The following ITPR1 variants were observed in gnomAD, a reference collection of about 807,000 sequenced individuals.
ITPR1 encodes the protein inositol 1,4,5-trisphosphate receptor type 1.
A neutral mutation model predicts 318.4 loss-of-function variants in ITPR1; 96 were observed. The ratio of observed to expected loss-of-function variants is 0.30; its 90% CI spans 0.26 to 0.36. The LOEUF (loss-of-function observed/expected upper bound fraction) is 0.36, where lower values mean the gene tolerates loss of function less well. Ranked by LOEUF, ITPR1 falls within the 10% of genes least tolerant of loss-of-function variation. The pLI is 1.00. For missense variants in ITPR1, 2,440 were observed against 3,460.2 expected, an observed-to-expected ratio of 0.71 and a Z score of 7.40; for synonymous variants, 1,312 against 1,289.9, an observed-to-expected ratio of 1.02 and a Z score of -0.37.
intron 44 of ITPR1, among the ~76,000 whole-genome samples, chr3:4,737,097 T>G (rs1212541647): frequency 6.6e-6 from 1 of 152,152 alleles, no homozygotes; most frequent in Non-Finnish European, 1.5e-5. Flanking sequence ...TGATTATGGA[T>G]GATAGATTTT....
chr3:4,780,226 T>C (rs975595672), intron 49 of ITPR1, among the ~76,000 whole-genome samples: 6 of 152,206 alleles, frequency 3.9e-5, no homozygotes, highest in Non-Finnish European at 7.3e-5. Context: ...ACACCCTTAA[T>C]GAACGGAAGT....
intron 26 of ITPR1, among the ~76,000 whole-genome samples, chr3:4,681,741 A>G (rs2094306089): frequency 1.3e-5 from 2 of 152,016 alleles, no homozygotes; most frequent in Admixed American, 6.6e-5. Context: ...AGGAAATGCA[A>G]TCAAAAGAAG....
rs560655202 is a variant in ITPR1, at chr3:4,699,963, G to A, written c.4536+22G>A. 2.3e-4 allele frequency: 366 copies of A among 1,608,990 alleles called. 1 individual carries two copies. The South Asian group carries it at 3.8e-3, about 17-fold the overall frequency. ...GCAGGTAAGAAATAACCAACGTCAA[G>A]CAGAATGTTCACGATACACCTTCTG... On this transcript the variant is annotated intron_variant, in intron 35 of 61. Transcript: ENST00000649015.
intron 32 of ITPR1, among the ~76,000 whole-genome samples, chr3:4,693,136 A>G (rs557395220): frequency 2.0e-5 from 3 of 152,360 alleles, no homozygotes; most frequent in Non-Finnish European, 4.4e-5. Flanking sequence ...AAAAAAATAA[A>G]TAAGATGGAA....
At chr3:4,582,333 A>T (rs2089439747) in intron 4 of ITPR1, among the ~76,000 whole-genome samples, 1 of 152,180 alleles carries the variant, frequency 6.6e-6, no homozygotes, top group Non-Finnish European at 1.5e-5. Context: ...CTGTGTCTGT[A>T]GGAAAATGTC....
intron 34 of ITPR1, among the ~76,000 whole-genome samples, chr3:4,699,184 A>C (rs370845242): frequency 1.7e-5 from 2 of 119,978 alleles, no homozygotes; most frequent in African/African-American, 5.1e-5. Context: ...CCCCATCTCT[A>C]CTAAAAAAAA....
At chr3:4,688,130 C>G (rs1324671808) in intron 30 of ITPR1, among the ~76,000 whole-genome samples, 4 of 125,960 alleles carry the variant, frequency 3.2e-5, no homozygotes, top group African/African-American at 1.1e-4. Flanking sequence ...CTCCTGCCCT[C>G]AAGTGATCCA....
At chr3:4,726,276 C>A (rs574784423) in intron 41 of ITPR1, among the ~76,000 whole-genome samples, 1 of 151,700 alleles carries the variant, frequency 6.6e-6, no homozygotes, top group Non-Finnish European at 1.5e-5. Context: ...GTGATCCACC[C>A]GCCTCAGCCT....
At chr3:4,679,172 T>A (rs2094247047) in intron 24 of ITPR1, among the ~76,000 whole-genome samples, 1 of 152,078 alleles carries the variant, frequency 6.6e-6, no homozygotes, top group Non-Finnish European at 1.5e-5. Context: ...GCGCTGATGA[T>A]CAGGCAACTG....
At position 4,526,054 on chromosome 3, in the gene ITPR1, G is replaced by A. The variant is rs115339322; in HGVS notation, c.163+4960G>A. On this transcript the variant is annotated intron_variant, in intron 4 of 61. Coordinates refer to ENST00000649015, the MANE Select transcript of ITPR1 (RefSeq NM_001378452.1). ...ATCATGCCATTATTGCATAAGATTCGGGCAACAGTCAGGCTCTTGCTTTCA... is the reference window on the plus strand; with the variant it reads ...ATCATGCCATTATTGCATAAGATTCAGGCAACAGTCAGGCTCTTGCTTTCA... Among the ~76,000 whole-genome samples, 1,192 of 152,174 alleles carry A rather than the reference G, an allele frequency of 7.8e-3. 6 individuals are homozygous for A. The highest frequency in any genetic ancestry group is 0.027 in the African/African-American group (1,127 of 41,510).
intron 4 of ITPR1, among the ~76,000 whole-genome samples, chr3:4,609,051 A>AATATATATATATAT (rs754002503): frequency 0.011 from 495 of 46,376 alleles, 7 homozygotes; most frequent in South Asian, 0.018. Context: ...ACAACAACGA[A>AATATATATATATAT]ATATATATAT....
At chr3:4,832,473 A>G (rs903516785) in intron 60 of ITPR1, among the ~76,000 whole-genome samples, 4 of 152,184 alleles carry the variant, frequency 2.6e-5, no homozygotes, top group Admixed American at 1.3e-4. Context: ...TCTACTAAAA[A>G]TACAAAAATT....
intron 61 of ITPR1, among the ~76,000 whole-genome samples, chr3:4,843,518 C>T (rs1260817983): frequency 1.3e-5 from 2 of 152,176 alleles, no homozygotes; most frequent in Non-Finnish European, 2.9e-5. Context: ...GGACCTACCC[C>T]AGACCTACTG....
intron 60 of ITPR1, among the ~76,000 whole-genome samples, chr3:4,819,719 T>C (rs1010718147): frequency 6.6e-6 from 1 of 151,982 alleles, no homozygotes; most frequent in Non-Finnish European, 1.5e-5. Flanking sequence ...TGGGGAGAGA[T>C]GGATGGAGGT....
chr3:4,561,696 C>T (rs762600118), intron 4 of ITPR1, among the ~76,000 whole-genome samples: 2 of 151,534 alleles, frequency 1.3e-5, no homozygotes, highest in Admixed American at 1.3e-4. Context: ...TTTTTTTAAT[C>T]GTAGCATTGG....
Position 4,717,384 on chromosome 3 carries a change from A to G in ITPR1, c.5121A>G (p.Glu1707=). ...TTTTCCAGCTAATTTCCATTGATGA[A>G]TTGGATAATGCTGAGGTCCTAATTT... ...GYGEKLISID[E]LDNAELPPAP... Residue 1707 remains glutamate, a synonymous_variant, in exon 40 of 62, where the codon GAA becomes GAG. Transcript: ENST00000649015. 1 of 1,596,696 alleles carries G rather than the reference A, an allele frequency of 6.3e-7. No homozygotes were observed. Among genetic ancestry groups the G allele is most frequent in the Non-Finnish European group, 8.5e-7 (1 of 1,177,498 alleles).
chr3:4,788,152 G>A lies in ITPR1; in HGVS notation c.6808+13G>A, dbSNP rs374084743. The A allele has an allele frequency of 4.2e-5, 67 of 1,585,824 alleles. 2 individuals are homozygous for A. Among genetic ancestry groups the A allele is most frequent in the African/African-American group, 1.1e-4 (8 of 74,448 alleles). On this transcript the variant is annotated intron_variant, in intron 52 of 61. Transcript: ENST00000649015. Reference sequence around the variant, plus strand: ...AAGAAACTGAGAGGTGGGTTCCAACGCATCAGCAACAACACAGAGAGACAC... The same window carrying A: ...AAGAAACTGAGAGGTGGGTTCCAACACATCAGCAACAACACAGAGAGACAC...
intron 4 of ITPR1, among the ~76,000 whole-genome samples, chr3:4,621,373 C>T (rs542063016): frequency 1.1e-4 from 16 of 152,180 alleles, no homozygotes; most frequent in African/African-American, 3.1e-4. Flanking sequence ...CTAGATCTTG[C>T]GAGCACTCAC....
rs143553596 is a variant in ITPR1, at chr3:4,810,657, G to A, written c.7273-608G>A. Among the ~76,000 whole-genome samples the A allele has an allele frequency of 5.3e-5, 8 of 152,308 alleles. No homozygotes were observed. In the East Asian group the frequency reaches 1.3e-3, roughly 26 times the overall value. Reference sequence around the variant, plus strand: ...GATGCCAGTGTGCTAAGCACTGTGCGTACGTGGTTTACTTATTCTTCATAA... The same window carrying A: ...GATGCCAGTGTGCTAAGCACTGTGCATACGTGGTTTACTTATTCTTCATAA... On this transcript the variant is annotated intron_variant, in intron 55 of 61. Transcript: ENST00000649015.
Sources: allele counts gnomAD v4.1 joint callset (sites outside exome capture counted in the v4.1 genomes callset), GRCh38; gene constraint gnomAD v4.1.1; transcripts MANE v1.5; gene names NCBI Gene and HGNC (gene_info 2026-07-23, HGNC 2026-07-21).